The following EXOC6B variants were observed in gnomAD, a reference collection of about 807,000 sequenced individuals.
EXOC6B encodes the protein SEC15 homolog B.
A neutral mutation model predicts 113.5 loss-of-function variants in EXOC6B; 54 were observed. That is an observed-to-expected ratio of 0.48 (90% CI 0.38 to 0.60). The LOEUF is 0.60. Among genes scored for constraint, EXOC6B ranks in the 20% least tolerant of loss-of-function variants. EXOC6B has a pLI of 0.00. For synonymous variants in EXOC6B, 357 were observed against 339.0 expected (o/e 1.05, Z -0.58); for missense variants, 797 against 977.5 (o/e 0.82, Z 2.46).
intron 1 of EXOC6B, among the ~76,000 whole-genome samples, chr2:72,820,904 A>T (rs1686542241): frequency 6.6e-6 from 1 of 152,082 alleles, no homozygotes; most frequent in Non-Finnish European, 1.5e-5. Context: ...ATATAGGAGC[A>T]AATCTTCATG....
chr2:72,359,623 G>T (rs1690179892), intron 19 of EXOC6B, among the ~76,000 whole-genome samples: 1 of 152,198 alleles, frequency 6.6e-6, no homozygotes, highest in African/African-American at 2.4e-5. Flanking sequence ...TAGGGAATGA[G>T]TTGCCAAACA....
At chr2:72,715,855 G>A (rs777929559) in intron 6 of EXOC6B, among the ~76,000 whole-genome samples, 3 of 152,076 alleles carry the variant, frequency 2.0e-5, no homozygotes, top group Non-Finnish European at 2.9e-5. Flanking sequence ...GAGCATCCCT[G>A]GAAGATACTA....
intron 18 of EXOC6B, among the ~76,000 whole-genome samples, chr2:72,401,644 TAC>T (rs1201385456): frequency 1.1e-3 from 51 of 44,638 alleles, no homozygotes; most frequent in African/African-American, 2.3e-3. Flanking sequence ...TATACATATA[TAC>T]ATATATATAT....
chr2:72,627,873 A>G (rs979849663), intron 6 of EXOC6B, among the ~76,000 whole-genome samples: 1 of 151,912 alleles, frequency 6.6e-6, no homozygotes, highest in African/African-American at 2.4e-5. Context: ...AACTATAAAC[A>G]TGCACCACTG....
chr2:72,507,721 T>C (rs976692744), intron 11 of EXOC6B, among the ~76,000 whole-genome samples: 1 of 152,126 alleles, frequency 6.6e-6, no homozygotes, highest in Admixed American at 6.5e-5. Context: ...TTGTCATTTA[T>C]TCTTCAGTTA....
intron 6 of EXOC6B, among the ~76,000 whole-genome samples, chr2:72,652,076 T>C (rs1257247606): frequency 6.6e-6 from 1 of 152,042 alleles, no homozygotes; most frequent in Non-Finnish European, 1.5e-5. Context: ...TACAAATTAG[T>C]CAATATTTTT....
chr2:72,587,442 G>T (rs978402216), intron 6 of EXOC6B, among the ~76,000 whole-genome samples: 1 of 152,106 alleles, frequency 6.6e-6, no homozygotes, highest in African/African-American at 2.4e-5. Flanking sequence ...GGAAAGAAAA[G>T]GGTTGAAAAA....
intron 18 of EXOC6B, among the ~76,000 whole-genome samples, chr2:72,389,732 G>C (rs1692254020): frequency 3.9e-5 from 6 of 151,920 alleles, no homozygotes; most frequent in Admixed American, 3.9e-4. Context: ...CATAGTTTCT[G>C]ATTAAAAAGA....
At chr2:72,682,232 C>A (rs2901198) in intron 6 of EXOC6B, among the ~76,000 whole-genome samples, 3 of 152,168 alleles carry the variant, frequency 2.0e-5, no homozygotes, top group Non-Finnish European at 4.4e-5. Context: ...TCTTTCCCAG[C>A]TGGAAACACA....
chr2:72,212,816 T>C (rs372826363), intron 20 of EXOC6B, among the ~76,000 whole-genome samples: 62 of 152,344 alleles, frequency 4.1e-4, no homozygotes, highest in African/African-American at 1.5e-3. Context: ...GTTCTTACTA[T>C]AGCAGGATAA....
chr2:72,510,336 C>A (rs1032195261), intron 11 of EXOC6B, among the ~76,000 whole-genome samples: 1 of 151,528 alleles, frequency 6.6e-6, no homozygotes, highest in Non-Finnish European at 1.5e-5. Flanking sequence ...AAGAAATGTC[C>A]AAATACTTTT....
chr2:72,506,284 C>T (rs1292208143), intron 11 of EXOC6B, among the ~76,000 whole-genome samples: 1 of 152,044 alleles, frequency 6.6e-6, no homozygotes, highest in African/African-American at 2.4e-5. Flanking sequence ...GATAAAACTG[C>T]CTAGATAGGA....
intron 20 of EXOC6B, among the ~76,000 whole-genome samples, chr2:72,334,676 G>T (rs1013423602): frequency 6.6e-6 from 1 of 151,990 alleles, no homozygotes; most frequent in Non-Finnish European, 1.5e-5. Context: ...ACAATGGGTC[G>T]CATCACTTGA....
At chr2:72,666,417 T>TA (rs1047608251) in intron 6 of EXOC6B, among the ~76,000 whole-genome samples, 2 of 151,992 alleles carry the variant, frequency 1.3e-5, no homozygotes, top group East Asian at 1.9e-4. Context: ...TCAATTAATT[T>TA]AAAAAAAATT....
At chr2:72,434,659 T>A (rs1695745628) in intron 18 of EXOC6B, among the ~76,000 whole-genome samples, 1 of 152,234 alleles carries the variant, frequency 6.6e-6, no homozygotes, top group Non-Finnish European at 1.5e-5. Context: ...CAGGAATTTA[T>A]CCGTTTCTTC....
chr2:72,259,434 T>A (rs1473011771), intron 20 of EXOC6B, among the ~76,000 whole-genome samples: 2 of 152,236 alleles, frequency 1.3e-5, no homozygotes, highest in Non-Finnish European at 2.9e-5. Context: ...ATTCTCATAT[T>A]CATGAACTCT....
At chr2:72,349,027 C>T (rs1263052260) in intron 19 of EXOC6B, among the ~76,000 whole-genome samples, 4 of 152,106 alleles carry the variant, frequency 2.6e-5, no homozygotes, top group African/African-American at 7.2e-5. Context: ...AATTAATGTC[C>T]ACAGAAAATG....
At chr2:72,330,329 G>A (rs1187855300) in intron 20 of EXOC6B, among the ~76,000 whole-genome samples, 5 of 152,000 alleles carry the variant, frequency 3.3e-5, no homozygotes, top group African/African-American at 1.2e-4. Flanking sequence ...AGCATTTAAT[G>A]AGGAGAATAG....
At chr2:72,248,464 C>G (rs1359571255) in intron 20 of EXOC6B, among the ~76,000 whole-genome samples, 1 of 152,082 alleles carries the variant, frequency 6.6e-6, no homozygotes, top group African/African-American at 2.4e-5. Context: ...TTACCATGAG[C>G]CATAAACAGC....
Sources: gnomAD v4.1 joint callset for allele counts (sites outside exome capture counted in the v4.1 genomes callset) on GRCh38, gnomAD v4.1.1 for gene constraint, MANE v1.5 for transcripts, NCBI Gene and HGNC (gene_info 2026-07-23, HGNC 2026-07-21) for gene names.